PTPRD: variants seen among roughly 807,000 people sequenced by gnomAD.
PTPRD encodes the protein protein tyrosine phosphatase receptor type D, also known as receptor-type tyrosine-protein phosphatase delta.
In PTPRD, 34 loss-of-function variants were observed where a neutral mutation model predicts 214.5. That is an observed-to-expected ratio of 0.16 (90% CI 0.12 to 0.21). The LOEUF is 0.21. Ranked by LOEUF, PTPRD falls within the 10% of genes least tolerant of loss-of-function variation. The probability of loss-of-function intolerance (pLI) is 1.00; values close to 1 mark genes in which losing one functional copy is unlikely to be tolerated. For missense variants in PTPRD, 2,545 were observed against 2,398.7 expected, an observed-to-expected ratio of 1.06 and a Z score of -1.27; for synonymous variants, 1,128 against 845.7, an observed-to-expected ratio of 1.33 and a Z score of -5.79.
intron 11 of PTPRD, among the ~76,000 whole-genome samples, chr9:8,887,187 C>T (rs568242925): frequency 4.7e-4 from 72 of 152,268 alleles, no homozygotes; most frequent in African/African-American, 1.3e-3. Flanking sequence ...GACTCCATAA[C>T]GCATGCTATT....
intron 30 of PTPRD, among the ~76,000 whole-genome samples, chr9:8,482,542 G>A (rs1056768363): frequency 6.6e-6 from 1 of 152,168 alleles, no homozygotes; most frequent in East Asian, 1.9e-4. Flanking sequence ...GAGGGTGTGA[G>A]ATAGAAGAAA....
intron 7 of PTPRD, among the ~76,000 whole-genome samples, chr9:9,705,962 C>T (rs10977928): frequency 6.6e-6 from 1 of 152,044 alleles, no homozygotes; most frequent in African/African-American, 2.4e-5. Context: ...TACATAGCTC[C>T]TGGGCCAATT....
intron 9 of PTPRD, among the ~76,000 whole-genome samples, chr9:9,300,694 G>C (rs1285616860): frequency 2.0e-4 from 31 of 151,736 alleles, no homozygotes; most frequent in Admixed American, 1.8e-3. Context: ...CCGTTGGATA[G>C]GTAGAAGGCT....
chr9:10,026,687 C>T (rs1211589453), intron 4 of PTPRD, among the ~76,000 whole-genome samples: 2 of 152,008 alleles, frequency 1.3e-5, no homozygotes, highest in African/African-American at 2.4e-5. Context: ...AAATCTGAAC[C>T]TCCCCACAAT....
intron 9 of PTPRD, among the ~76,000 whole-genome samples, chr9:9,310,164 T>C (rs1958487441): frequency 6.6e-6 from 1 of 152,104 alleles, no homozygotes; most frequent in Non-Finnish European, 1.5e-5. Context: ...GTCGTTACTG[T>C]TTTGGATCTG....
intron 5 of PTPRD, among the ~76,000 whole-genome samples, chr9:9,779,008 C>G (rs969603527): frequency 7.5e-6 from 1 of 134,056 alleles, no homozygotes; most frequent in Admixed American, 8.8e-5. Context: ...AACAGAGACA[C>G]AGACCAGTGA....
chr9:9,660,960 G>A (rs1242042757), intron 7 of PTPRD, among the ~76,000 whole-genome samples: 1 of 151,942 alleles, frequency 6.6e-6, no homozygotes, highest in Non-Finnish European at 1.5e-5. Context: ...AAGTTGTGAA[G>A]ATGTTAGGCA....
chr9:9,183,821 A>T (rs943394931), intron 9 of PTPRD, among the ~76,000 whole-genome samples: 2 of 152,034 alleles, frequency 1.3e-5, no homozygotes, highest in African/African-American at 2.4e-5. Flanking sequence ...GCCAAGCTAA[A>T]GCAAATCCTT....
intron 36 of PTPRD, among the ~76,000 whole-genome samples, chr9:8,394,838 C>T (rs1462993426): frequency 1.3e-5 from 2 of 152,078 alleles, no homozygotes; most frequent in Non-Finnish European, 2.9e-5. Context: ...TACTTCACAT[C>T]TTGATTGGAA....
intron 5 of PTPRD, among the ~76,000 whole-genome samples, chr9:9,931,906 T>C (rs2086779065): frequency 6.6e-6 from 1 of 151,294 alleles, no homozygotes; most frequent in Non-Finnish European, 1.5e-5. Context: ...CCTCCTCAAG[T>C]GGGTCCCTGA....
At chr9:10,135,430 G>T (rs561580714) in intron 3 of PTPRD, among the ~76,000 whole-genome samples, 1 of 152,192 alleles carries the variant, frequency 6.6e-6, no homozygotes, top group South Asian at 2.1e-4. Flanking sequence ...ATAGTCATCG[G>T]ATTCGCCAAG....
At chr9:10,609,454 C>T (rs555607698) in intron 2 of PTPRD, among the ~76,000 whole-genome samples, 2 of 152,194 alleles carry the variant, frequency 1.3e-5, no homozygotes, top group East Asian at 1.9e-4. Flanking sequence ...AACTGCAGAA[C>T]AGTTTACACC....
At chr9:8,472,547 A>G (rs557652976) in intron 30 of PTPRD, among the ~76,000 whole-genome samples, 1 of 152,338 alleles carries the variant, frequency 6.6e-6, no homozygotes, top group South Asian at 2.1e-4. Flanking sequence ...CCTGGGGGCC[A>G]TCGGGCACTG....
chr9:9,256,159 A>C (rs1027981259), intron 9 of PTPRD, among the ~76,000 whole-genome samples: 3 of 152,042 alleles, frequency 2.0e-5, no homozygotes, highest in African/African-American at 7.2e-5. Context: ...GAAATGAATG[A>C]CAGAGCCAAG....
chr9:10,458,166 A>G (rs2098931828), intron 2 of PTPRD, among the ~76,000 whole-genome samples: 1 of 152,066 alleles, frequency 6.6e-6, no homozygotes, highest in African/African-American at 2.4e-5. Flanking sequence ...CTTCTTCCAT[A>G]ATAGAGCTGG....
At chr9:9,705,556 T>C (rs944785485) in intron 7 of PTPRD, among the ~76,000 whole-genome samples, 1 of 152,138 alleles carries the variant, frequency 6.6e-6, no homozygotes, top group Non-Finnish European at 1.5e-5. Flanking sequence ...TTGAGGTCTT[T>C]GCTCTCCATG....
At chr9:8,578,885 A>C (rs1564478274) in intron 14 of PTPRD, among the ~76,000 whole-genome samples, 2 of 152,208 alleles carry the variant, frequency 1.3e-5, no homozygotes, top group Admixed American at 6.5e-5. Context: ...AGTTATTTAA[A>C]AGTCAATTCA....
At chr9:10,162,905 G>C (rs2099137757) in intron 3 of PTPRD, among the ~76,000 whole-genome samples, 1 of 149,512 alleles carries the variant, frequency 6.7e-6, no homozygotes, top group South Asian at 2.1e-4. Flanking sequence ...AGTACTTCAG[G>C]GAAAAAATGT....
chr9:9,217,417 T>C (rs2099953043), intron 9 of PTPRD, among the ~76,000 whole-genome samples: 1 of 152,186 alleles, frequency 6.6e-6, no homozygotes, highest in South Asian at 2.1e-4. Context: ...TTAAGGCATA[T>C]CACTTTGAAC....
Sources: gnomAD v4.1 joint callset for allele counts (sites outside exome capture counted in the v4.1 genomes callset) on GRCh38, gnomAD v4.1.1 for gene constraint, MANE v1.5 for transcripts, NCBI Gene and HGNC (gene_info 2026-07-23, HGNC 2026-07-21) for gene names.